KIF16B: variants seen among roughly 807,000 people sequenced by gnomAD.
KIF16B encodes the protein kinesin-like protein KIF16B.
Under a neutral mutation model 156.3 loss-of-function variants are expected in KIF16B, and 98 were observed. That is an observed-to-expected ratio of 0.63 (90% CI 0.53 to 0.74). The LOEUF is 0.74. KIF16B is among the 30% of genes least tolerant of loss of function. The pLI is 0.00. For missense variants in KIF16B, 1,421 were observed against 1,606.5 expected (o/e 0.88, Z 1.97); for synonymous variants, 564 against 583.7 (o/e 0.97, Z 0.49).
rs2063005147 is a variant in KIF16B at position 16,273,099 on chromosome 20, G to A, written c.*154C>T. 2 of 667,332 alleles carry A rather than the reference G, an allele frequency of 3.0e-6. No individual in the cohort carries two copies. Among genetic ancestry groups the A allele is most frequent in the Admixed American group, 4.8e-5 (2 of 41,814 alleles). The allele number at this position is 667,332 out of a possible 1,614,324, so 41.3% of individuals were successfully genotyped here. A position where few individuals can be genotyped will look rare whatever the true frequency, so the allele number is the denominator to read the frequency against. On this transcript the variant is annotated 3_prime_UTR_variant, in exon 26 of 26. Coordinates refer to ENST00000354981, the MANE Select transcript of KIF16B (RefSeq NM_024704.5). Reference sequence around the variant, plus strand: ...TCCCATCCCCAAACTCAGGCACTAGGTATGGAAACGTGAGGTGGCCCGGGC... The same window carrying A: ...TCCCATCCCCAAACTCAGGCACTAGATATGGAAACGTGAGGTGGCCCGGGC...
intron 15 of KIF16B, among the ~76,000 whole-genome samples, chr20:16,418,897 G>A (rs1462330028): frequency 6.6e-6 from 1 of 152,056 alleles, no homozygotes; most frequent in Non-Finnish European, 1.5e-5. Context: ...TCCAGCTGGA[G>A]GCTACACTTC....
Position 16,487,775 on chromosome 20 carries a change from T to A in KIF16B, c.1302+6516A>T, listed in dbSNP as rs144526999. Among the ~76,000 whole-genome samples, 27 of 152,308 alleles carry A rather than the reference T, an allele frequency of 1.8e-4. No individual in the cohort carries two copies. In the East Asian group the frequency reaches 4.0e-3, roughly 23 times the overall value. On this transcript the variant is annotated intron_variant, in intron 12 of 25. Coordinates refer to ENST00000354981, the MANE Select transcript of KIF16B (RefSeq NM_024704.5). ...CCATGGCCCTGTAGTATCCTGCCTC[T>A]CCTACTCCCCCAGAGAAGGAATATC... is the stretch of plus-strand genomic sequence containing the variant.
intron 22 of KIF16B, among the ~76,000 whole-genome samples, chr20:16,357,582 C>T (rs1210356692): frequency 6.6e-6 from 1 of 152,226 alleles, no homozygotes; most frequent in East Asian, 1.9e-4. Flanking sequence ...ATGGAACCCA[C>T]TTATGTGACT....
intron 24 of KIF16B, among the ~76,000 whole-genome samples, chr20:16,316,645 T>A (rs2063701734): frequency 6.6e-6 from 1 of 152,100 alleles, no homozygotes; most frequent in African/African-American, 2.4e-5. Context: ...ATTCGTAAAA[T>A]AATAATATAG....
At chr20:16,486,063 T>C (rs1348806309) in intron 12 of KIF16B, among the ~76,000 whole-genome samples, 2 of 152,112 alleles carry the variant, frequency 1.3e-5, no homozygotes, top group Non-Finnish European at 2.9e-5. Flanking sequence ...TCAACAAAAG[T>C]ATTTTAGGCC....
At chr20:16,297,371 TAAC>T (rs1419760331) in intron 25 of KIF16B, among the ~76,000 whole-genome samples, 1 of 152,182 alleles carries the variant, frequency 6.6e-6, no homozygotes, top group Non-Finnish European at 1.5e-5. Context: ...CAAATATATT[TAAC>T]ACTATATTTC....
intron 12 of KIF16B, among the ~76,000 whole-genome samples, chr20:16,444,319 C>T (rs1045464019): frequency 6.6e-6 from 1 of 152,082 alleles, no homozygotes; most frequent in African/African-American, 2.4e-5. Flanking sequence ...AGGCTGTCTG[C>T]CTGTTTTTGT....
intron 25 of KIF16B, among the ~76,000 whole-genome samples, chr20:16,289,709 C>T (rs1333599724): frequency 6.6e-6 from 1 of 152,118 alleles, no homozygotes; most frequent in Non-Finnish European, 1.5e-5. Context: ...GGCGCAGTGG[C>T]GGGCGCCTGT....
chr20:16,305,551 C>A (rs553803013), intron 25 of KIF16B, among the ~76,000 whole-genome samples: 3 of 152,270 alleles, frequency 2.0e-5, no homozygotes, highest in Non-Finnish European at 4.4e-5. Context: ...CAATTCATAT[C>A]TTCTAGCTAT....
At chr20:16,389,400 C>T (rs1231831262) in intron 17 of KIF16B, among the ~76,000 whole-genome samples, 1 of 152,168 alleles carries the variant, frequency 6.6e-6, no homozygotes, top group Non-Finnish European at 1.5e-5. Flanking sequence ...AACTCCTGGC[C>T]TTTTGCCTGG....
At chr20:16,359,769 A>G (rs544816758) in intron 22 of KIF16B, among the ~76,000 whole-genome samples, 1 of 152,264 alleles carries the variant, frequency 6.6e-6, no homozygotes, top group Admixed American at 6.5e-5. Flanking sequence ...GCCTACCTCA[A>G]TCTAGGGCAG....
chr20:16,436,093 T>C (rs971836861), intron 12 of KIF16B, among the ~76,000 whole-genome samples: 1 of 152,150 alleles, frequency 6.6e-6, no homozygotes, highest in Admixed American at 6.6e-5. Flanking sequence ...TGCCCATCTA[T>C]GCAGCCACCC....
At chr20:16,482,097 C>T (rs1568586837) in intron 12 of KIF16B, among the ~76,000 whole-genome samples, 1 of 152,172 alleles carries the variant, frequency 6.6e-6, no homozygotes, top group African/African-American at 2.4e-5. Context: ...GTATAGTCAT[C>T]TTCCTCCTTG....
chr20:16,439,213 T>C (rs1241481089), intron 12 of KIF16B, among the ~76,000 whole-genome samples: 1 of 152,164 alleles, frequency 6.6e-6, no homozygotes. Context: ...CCATCTCCAC[T>C]GCTACTGCCC....
At chr20:16,341,474 G>A (rs374793657) in intron 23 of KIF16B, among the ~76,000 whole-genome samples, 1 of 152,212 alleles carries the variant, frequency 6.6e-6, no homozygotes, top group African/African-American at 2.4e-5. Flanking sequence ...CATTAACCCT[G>A]TGTATATAAT....
Position 16,396,311 on chromosome 20 carries a change from A to C in KIF16B, c.1784+8502T>G, listed in dbSNP as rs146621418. 2.0e-5 allele frequency among the ~76,000 whole-genome samples: 3 copies of C among 152,258 alleles called. No individual in the cohort carries two copies. The East Asian group carries it at 5.8e-4, about 29-fold the overall frequency. ...TCCCCCTCCTCTGTCCCTGTCTCTG[A>C]AAAAACTGTCTTCCACGAAACTTGG... On this transcript the variant is annotated intron_variant, in intron 17 of 25. Coordinates refer to ENST00000354981, the MANE Select transcript of KIF16B (RefSeq NM_024704.5).
chr20:16,355,556 G>C (rs559796751), intron 23 of KIF16B, among the ~76,000 whole-genome samples: 1 of 152,250 alleles, frequency 6.6e-6, no homozygotes, highest in African/African-American at 2.4e-5. Flanking sequence ...GATCCTAGTG[G>C]ACTTCATTAC....
At chr20:16,567,058 G>A (rs2071279504) in intron 1 of KIF16B, among the ~76,000 whole-genome samples, 1 of 152,082 alleles carries the variant, frequency 6.6e-6, no homozygotes, top group Non-Finnish European at 1.5e-5. Flanking sequence ...ACCACCCCCT[G>A]CCCACCTCTC....
intron 12 of KIF16B, among the ~76,000 whole-genome samples, chr20:16,433,053 G>A (rs937895247): frequency 1.8e-4 from 27 of 152,174 alleles, no homozygotes; most frequent in African/African-American, 6.5e-4. Context: ...CCTACCTCTC[G>A]GATATTAGCA....
Sources: allele counts gnomAD v4.1 joint callset (sites outside exome capture counted in the v4.1 genomes callset), GRCh38; gene constraint gnomAD v4.1.1; transcripts MANE v1.5; gene names NCBI Gene and HGNC (gene_info 2026-07-23, HGNC 2026-07-21).